Variants in KDM4C observed in about 807,000 individuals in gnomAD.
The protein encoded by KDM4C is lysine demethylase 4C.
A neutral mutation model predicts 129.3 loss-of-function variants in KDM4C; 81 were observed. That is an observed-to-expected ratio of 0.63 (90% CI 0.52 to 0.75). The LOEUF (loss-of-function observed/expected upper bound fraction) is 0.75, where lower values mean the gene tolerates loss of function less well. KDM4C is among the 30% of genes least tolerant of loss of function. The pLI is 0.00. For synonymous variants in KDM4C, 573 were observed against 456.1 expected (o/e 1.26, Z -3.26); for missense variants, 1,457 against 1,304.0 (o/e 1.12, Z -1.81).
intron 8 of KDM4C, among the ~76,000 whole-genome samples, chr9:6,894,762 C>A (rs1051564922): frequency 2.6e-5 from 4 of 152,144 alleles, no homozygotes; most frequent in African/African-American, 4.8e-5. Flanking sequence ...TCTCTGAAAT[C>A]CCAGCTGACA....
intron 5 of KDM4C, among the ~76,000 whole-genome samples, chr9:6,877,287 A>G (rs920204989): frequency 6.6e-6 from 1 of 152,198 alleles, no homozygotes. Flanking sequence ...TGCAAGCTCC[A>G]CCTCCTGGCT....
At chr9:7,014,824 T>G (rs1823353979) in intron 14 of KDM4C, among the ~76,000 whole-genome samples, 1 of 151,888 alleles carries the variant, frequency 6.6e-6, no homozygotes, top group African/African-American at 2.4e-5. Flanking sequence ...TATTAATTAA[T>G]TAGAGACTAC....
At chr9:6,869,582 T>G (rs921754950) in intron 5 of KDM4C, among the ~76,000 whole-genome samples, 4 of 152,046 alleles carry the variant, frequency 2.6e-5, no homozygotes, top group African/African-American at 7.2e-5. Flanking sequence ...TCCAGCAGAG[T>G]CCTGGCAGAT....
At chr9:7,066,409 C>T (rs1832433497) in intron 17 of KDM4C, among the ~76,000 whole-genome samples, 1 of 152,074 alleles carries the variant, frequency 6.6e-6, no homozygotes, top group Non-Finnish European at 1.5e-5. Flanking sequence ...GAATAAAGCC[C>T]TTTTTCTCAG....
intron 21 of KDM4C, among the ~76,000 whole-genome samples, chr9:7,171,849 A>G (rs1844995184): frequency 6.6e-6 from 1 of 152,216 alleles, no homozygotes; most frequent in East Asian, 1.9e-4. Flanking sequence ...AATTAAAAAA[A>G]AAGTGAAAAT....
intron 8 of KDM4C, among the ~76,000 whole-genome samples, chr9:6,902,985 G>A: frequency 6.6e-6 from 1 of 151,954 alleles, no homozygotes; most frequent in East Asian, 1.9e-4. Flanking sequence ...TTGAAAGGCC[G>A]TGTTTTGTAA....
rs199647971 is a variant in KDM4C at position 7,174,753 on chromosome 9, C to T, written c.*24C>T. The stretch of plus-strand genomic sequence containing the variant: ...AGTCTGCATACATCGCTGCAGGCCA[C>T]AGAGCAGCTTGGGTTGGAAGAGAGA... On this transcript the variant is annotated 3_prime_UTR_variant, in exon 22 of 22. Transcript: ENST00000381309. The T allele has an allele frequency of 3.6e-5, 57 of 1,604,328 alleles. No homozygotes were observed. The highest frequency in any genetic ancestry group is 4.4e-5 in the Non-Finnish European group (52 of 1,172,164).
chr9:7,117,629 A>G (rs1839049203), intron 18 of KDM4C, among the ~76,000 whole-genome samples: 1 of 7,516 alleles, frequency 1.3e-4, no homozygotes, highest in South Asian at 3.0e-3. Context: ...TAATTTCTAC[A>G]CACACACACA....
intron 5 of KDM4C, among the ~76,000 whole-genome samples, chr9:6,854,189 G>C (rs1182351888): frequency 6.6e-6 from 1 of 152,012 alleles, no homozygotes; most frequent in Non-Finnish European, 1.5e-5. Flanking sequence ...GAATTCAGAT[G>C]GTATCTTGAG....
intron 19 of KDM4C, among the ~76,000 whole-genome samples, chr9:7,161,857 C>T (rs920847252): frequency 6.6e-6 from 1 of 152,216 alleles, no homozygotes; most frequent in East Asian, 1.9e-4. Context: ...TAGTCTCATT[C>T]TTGTTTAAAT....
intron 8 of KDM4C, chr9:6,973,850 T>C (rs1397584613): frequency 6.6e-6 from 1 of 152,234 alleles, no homozygotes; most frequent in Non-Finnish European, 1.5e-5. Flanking sequence ...GGACAGGAGA[T>C]GCTGTGTTTA....
At chr9:7,149,151 C>T (rs1214052590) in intron 19 of KDM4C, among the ~76,000 whole-genome samples, 1 of 152,230 alleles carries the variant, frequency 6.6e-6, no homozygotes, top group Admixed American at 6.5e-5. Flanking sequence ...CTCCCGTGCT[C>T]CTCAGCACCC....
In KDM4C at chr9:6,800,577, A is replaced by G. The variant is rs149389082; in HGVS notation, c.145-5022A>G. 2.3e-4 allele frequency among the ~76,000 whole-genome samples: 35 copies of G among 152,188 alleles called. No individual in the cohort carries two copies. In the East Asian group the frequency reaches 6.6e-3, roughly 28 times the overall value. On this transcript the variant is annotated intron_variant, in intron 2 of 21. Coordinates refer to ENST00000381309, the MANE Select transcript of KDM4C (RefSeq NM_015061.6). ...AAATAATGAGGGTGTGATTTCAGTAACATATACTATGAATGTATATCTATC... is the reference window on the plus strand; with the variant it reads ...AAATAATGAGGGTGTGATTTCAGTAGCATATACTATGAATGTATATCTATC...
At chr9:7,052,898 A>AGAGAGAGAGAGAGAGAGAGAGAGAGAGC (rs1477487723) in intron 17 of KDM4C, among the ~76,000 whole-genome samples, 1 of 47,532 alleles carries the variant, frequency 2.1e-5, no homozygotes, top group Non-Finnish European at 6.9e-5. Context: ...AGAGAGAGAG[A>AGAGAGAGAGAGAGAGAGAGAGAGAGAGC]GAGCGAGCGA....
chr9:6,962,989 A>G (rs1431464894), intron 8 of KDM4C, among the ~76,000 whole-genome samples: 1 of 152,220 alleles, frequency 6.6e-6, no homozygotes, highest in Non-Finnish European at 1.5e-5. Context: ...TTTAAAATTA[A>G]AATTTGAGCC....
At chr9:6,760,548 T>C (rs1313282737) in intron 1 of KDM4C, among the ~76,000 whole-genome samples, 1 of 101,534 alleles carries the variant, frequency 9.8e-6, no homozygotes. Flanking sequence ...TCTTTTTTAT[T>C]TATTTATTTA....
At chr9:7,039,440 C>CT (rs1828191041) in intron 15 of KDM4C, among the ~76,000 whole-genome samples, 1 of 151,788 alleles carries the variant, frequency 6.6e-6, no homozygotes, top group Non-Finnish European at 1.5e-5. Flanking sequence ...TTTAGAGTCT[C>CT]TTTTTTATAT....
intron 1 of KDM4C, among the ~76,000 whole-genome samples, chr9:6,778,301 G>A (rs1823534958): frequency 6.6e-6 from 1 of 150,932 alleles, no homozygotes; most frequent in Non-Finnish European, 1.5e-5. Context: ...TGTTGGCCAG[G>A]CTGGTCTTGA....
At chr9:7,030,518 G>C (rs1826549779) in intron 15 of KDM4C, among the ~76,000 whole-genome samples, 1 of 152,158 alleles carries the variant, frequency 6.6e-6, no homozygotes, top group African/African-American at 2.4e-5. Context: ...GTGCTGCTCT[G>C]GTGGGGGATG....
Sources: allele counts gnomAD v4.1 joint callset (sites outside exome capture counted in the v4.1 genomes callset), GRCh38; gene constraint gnomAD v4.1.1; transcripts MANE v1.5; gene names NCBI Gene and HGNC (gene_info 2026-07-23, HGNC 2026-07-21).